Variants in RBFOX3 observed in about 807,000 individuals in gnomAD.
RBFOX3 encodes RNA binding protein fox-1 homolog 3.
RBFOX3 carries 17 observed loss-of-function variants against 48.7 expected under a neutral mutation model. The ratio of observed to expected loss-of-function variants is 0.35; its 90% CI spans 0.24 to 0.52. The LOEUF (loss-of-function observed/expected upper bound fraction) is 0.52. RBFOX3 is among the 20% of genes least tolerant of loss of function. The pLI is 0.94. For synonymous variants in RBFOX3, 212 were observed against 209.5 expected (o/e 1.01, Z -0.10); for missense variants, 382 against 497.5 (o/e 0.77, Z 2.21).
At position 79,096,805 on chromosome 17, in the gene RBFOX3, G is replaced by T; in HGVS notation, c.784C>A (p.Pro262Thr). ...GGTGCCAGCCCCGCCCATGGGACTGGCATTTTAACAAGCGTTTGCTCCAGT... is the reference window on the plus strand; with the variant it reads ...GGTGCCAGCCCCGCCCATGGGACTGTCATTTTAACAAGCGTTTGCTCCAGT... Reference protein sequence around the residue: ...AALEQTLVKMPVPWAGLAPCP... With the variant: ...AALEQTLVKMTVPWAGLAPCP... The change falls in exon 12 of 15, where the codon CCA (proline) becomes ACA (threonine). Residue 262 changes from proline to threonine, a missense_variant. Around this residue, in one of 3 missense-constraint regions of RBFOX3, gnomAD observed 215 missense variants for 254.8 expected, o/e 0.84. Transcript: ENST00000693108. The T allele has an allele frequency of 1.1e-6, 1 of 919,640 alleles. No individual in the cohort carries two copies. Among genetic ancestry groups the T allele is most frequent in the Non-Finnish European group, 1.7e-6 (1 of 574,326 alleles). The allele number at this position is 919,640 out of a possible 1,614,324, so 57.0% of individuals were successfully genotyped here.
intron 4 of RBFOX3, among the ~76,000 whole-genome samples, chr17:79,178,103 T>G (rs1249016208): frequency 2.0e-5 from 3 of 152,074 alleles, no homozygotes; most frequent in Non-Finnish European, 4.4e-5. Flanking sequence ...CGGCCATCAC[T>G]GCCGGGCTCC....
At chr17:79,650,152 T>TA in the RBFOX3 span, among the ~76,000 whole-genome samples, 1 of 152,176 alleles carries the variant, frequency 6.6e-6, no homozygotes, top group Admixed American at 6.5e-5. Context: ...GGGAAAGCTT[T>TA]GCTGGAAGTT....
In RBFOX3 at chr17:79,249,064, C is replaced by A. The variant is rs1600217929; in HGVS notation, c.-73-13259G>T. ...GGGGCCAGAACCCAGAGCGAGGCTG[C>A]CTCCCCTGGGTCGGCAACGCCACCT... On this transcript the variant is annotated intron_variant, in intron 3 of 14. Coordinates refer to ENST00000693108, the MANE Select transcript of RBFOX3 (RefSeq NM_001350451.2). The surrounding 1 kb of genome is among the most constrained non-coding windows in gnomAD (Gnocchi z 4.1). Among the ~76,000 whole-genome samples, 1 of 152,188 alleles carries A rather than the reference C, an allele frequency of 6.6e-6. No individual in the cohort carries two copies. The highest frequency in any genetic ancestry group is 2.4e-5 in the African/African-American group (1 of 41,460).
chr17:79,523,179 G>C (rs1283425405), intron 1 of RBFOX3, among the ~76,000 whole-genome samples: 1 of 152,096 alleles, frequency 6.6e-6, no homozygotes, highest in Non-Finnish European at 1.5e-5. Flanking sequence ...CTGGGGGACA[G>C]ACTTTCCATC....
chr17:79,408,635 T>G (rs1373581547), intron 2 of RBFOX3, among the ~76,000 whole-genome samples: 1 of 152,192 alleles, frequency 6.6e-6, no homozygotes, highest in African/African-American at 2.4e-5. Flanking sequence ...GAGACCCTGT[T>G]CTGAGAAGCA....
the RBFOX3 span, among the ~76,000 whole-genome samples, chr17:79,656,708 G>GA: frequency 1.1e-4 from 2 of 17,902 alleles, no homozygotes; most frequent in Non-Finnish European, 3.2e-4. Context: ...AAGGAAGGAA[G>GA]GAGAGAGAGA....
Position 79,223,751 on chromosome 17 carries a change from C to T in RBFOX3, c.-34+12015G>A, listed in dbSNP as rs548987533. Among the ~76,000 whole-genome samples the T allele has an allele frequency of 1.3e-5, 2 of 152,302 alleles. 1 individual carries two copies. The highest frequency in any genetic ancestry group is 4.8e-5 in the African/African-American group (2 of 41,564). Reference sequence around the variant, plus strand: ...CCGAGGGATTCTGAGGCCTGGGCAGCTGTCCTGGGCCGTCGACACATTCCA... The same window carrying T: ...CCGAGGGATTCTGAGGCCTGGGCAGTTGTCCTGGGCCGTCGACACATTCCA... On this transcript the variant is annotated intron_variant, in intron 4 of 14. Coordinates refer to ENST00000693108, the MANE Select transcript of RBFOX3 (RefSeq NM_001350451.2).
chr17:79,285,775 C>T (rs575325368), intron 3 of RBFOX3, among the ~76,000 whole-genome samples: 2 of 152,328 alleles, frequency 1.3e-5, no homozygotes, highest in South Asian at 4.1e-4. Context: ...CCTCCGCCTC[C>T]TGAGTTCAAG....
At chr17:79,298,000 G>A (rs541017740) in intron 3 of RBFOX3, among the ~76,000 whole-genome samples, 10 of 152,300 alleles carry the variant, frequency 6.6e-5, no homozygotes, top group South Asian at 6.2e-4. Context: ...TGGAGAGTTC[G>A]CCATCAAGCA....
At chr17:79,349,643 C>A (rs982453012) in intron 2 of RBFOX3, among the ~76,000 whole-genome samples, 1 of 152,120 alleles carries the variant, frequency 6.6e-6, no homozygotes, top group Non-Finnish European at 1.5e-5. Flanking sequence ...CCACCAGGCC[C>A]GGCAATGCCT....
At chr17:79,564,860 T>G (rs2092393371) in intron 1 of RBFOX3, among the ~76,000 whole-genome samples, 1 of 151,872 alleles carries the variant, frequency 6.6e-6, no homozygotes, top group African/African-American at 2.4e-5. Flanking sequence ...GCCAATATGG[T>G]GAAACCCCAT....
chr17:79,333,240 C>T (rs994124459), intron 2 of RBFOX3, among the ~76,000 whole-genome samples: 2 of 152,164 alleles, frequency 1.3e-5, no homozygotes, highest in Non-Finnish European at 2.9e-5. Flanking sequence ...GAGGCCTGCA[C>T]CCATCAAAGG....
In RBFOX3 at chr17:79,213,767, C is replaced by G. The variant is rs2058671945; in HGVS notation, c.-34+21999G>C. ...AAATCTCTCCTCCTCTCTTGGACTC[C>G]CACCAGATATAACTTTGGGAACATT... is the stretch of plus-strand genomic sequence containing the variant. On this transcript the variant is annotated intron_variant, in intron 4 of 14. Coordinates refer to ENST00000693108, the MANE Select transcript of RBFOX3 (RefSeq NM_001350451.2). 2.0e-5 allele frequency among the ~76,000 whole-genome samples: 3 copies of G among 152,186 alleles called. No individual in the cohort carries two copies. In the South Asian group the frequency reaches 6.2e-4, roughly 31 times the overall value.
rs754675926 is a variant in RBFOX3, at chr17:79,252,220, A to T, written c.-73-16415T>A. ...TTACTTTCTCCCCAGGCAACTTCAGAGGTCTGGCTTCAACCCGCACCCTGA... is the reference window on the plus strand; with the variant it reads ...TTACTTTCTCCCCAGGCAACTTCAGTGGTCTGGCTTCAACCCGCACCCTGA... On this transcript the variant is annotated intron_variant, in intron 3 of 14. Coordinates refer to ENST00000693108, the MANE Select transcript of RBFOX3 (RefSeq NM_001350451.2). This position sits in a 1 kb window ranked among gnomAD's most constrained non-coding sequence, Gnocchi z 4.0. 6.6e-6 allele frequency among the ~76,000 whole-genome samples: 1 copy of T among 152,044 alleles called. No individual in the cohort carries two copies. Among genetic ancestry groups the T allele is most frequent in the Non-Finnish European group, 1.5e-5 (1 of 67,992 alleles).
At chr17:79,551,552 T>C (rs2091160547) in intron 1 of RBFOX3, among the ~76,000 whole-genome samples, 1 of 149,220 alleles carries the variant, frequency 6.7e-6, no homozygotes, top group African/African-American at 2.5e-5. Context: ...GGTGGATGGA[T>C]GGGCAGATGG....
intron 1 of RBFOX3, among the ~76,000 whole-genome samples, chr17:79,490,166 A>G (rs1279765577): frequency 6.6e-6 from 1 of 152,192 alleles, no homozygotes; most frequent in Non-Finnish European, 1.5e-5. Context: ...ATCTGGTGGG[A>G]GTCGGTGACA....
At chr17:79,378,586 C>A (rs977882650) in intron 2 of RBFOX3, among the ~76,000 whole-genome samples, 2 of 152,142 alleles carry the variant, frequency 1.3e-5, no homozygotes, top group African/African-American at 4.8e-5. Context: ...TGGGCTGAGC[C>A]CGGGACAGAA....
intron 4 of RBFOX3, among the ~76,000 whole-genome samples, chr17:79,232,389 A>G (rs1018409709): frequency 7.9e-5 from 12 of 152,268 alleles, no homozygotes; most frequent in African/African-American, 2.7e-4. Context: ...CTAGGAAGCC[A>G]TAACAATCAC....
intron 2 of RBFOX3, among the ~76,000 whole-genome samples, chr17:79,437,325 C>T (rs572269283): frequency 2.0e-5 from 3 of 152,336 alleles, no homozygotes; most frequent in Non-Finnish European, 2.9e-5. Context: ...CCGGGGAGGC[C>T]GGGTCCCCCT....
Sources: gnomAD v4.1 joint callset for allele counts (sites outside exome capture counted in the v4.1 genomes callset) on GRCh38, gnomAD v4.1.1 for gene constraint, gnomAD v4.1.1 regional missense constraint, Gnocchi (gnomAD v3.1) non-coding constraint, MANE v1.5 for transcripts, NCBI Gene and HGNC (gene_info 2026-07-23, HGNC 2026-07-21) for gene names.